The following ZNF519 variants were observed in gnomAD, a reference collection of about 807,000 sequenced individuals.
ZNF519 encodes the protein zinc finger protein 519, also known as similar to Zinc finger protein 85 (Zinc finger protein HPF4) (HTF1).
ZNF519 carries 7 observed loss-of-function variants against 7.4 expected under a neutral mutation model. The ratio of observed to expected loss-of-function variants is 0.94; its 90% CI spans 0.54 to 1.77. The LOEUF (loss-of-function observed/expected upper bound fraction) is 1.77, where lower values mean the gene tolerates loss of function less well. Among genes scored for constraint, ZNF519 ranks in the 40% most tolerant of loss-of-function variants. The pLI is 0.00. For synonymous variants in ZNF519, 179 were observed against 203.3 expected (o/e 0.88, Z 1.02); for missense variants, 586 against 623.1 (o/e 0.94, Z 0.63).
chr18:14,088,544 A>G (rs1444083397), intron 2 of ZNF519, among the ~76,000 whole-genome samples: 3 of 152,240 alleles, frequency 2.0e-5, no homozygotes, highest in Admixed American at 6.5e-5. Flanking sequence ...TCAGGACCAC[A>G]TAAGGTTCAA....
intron 2 of ZNF519, among the ~76,000 whole-genome samples, chr18:14,121,149 A>G (rs1467425974): frequency 6.6e-6 from 1 of 152,122 alleles, no homozygotes; most frequent in Admixed American, 6.5e-5. Flanking sequence ...AGAAGCAGAG[A>G]GTAGAAGGGT....
intron 2 of ZNF519, among the ~76,000 whole-genome samples, chr18:14,111,091 T>C (rs1260278268): frequency 2.4e-5 from 2 of 84,324 alleles, no homozygotes; most frequent in South Asian, 3.3e-4. Flanking sequence ...AGAAAAGAAA[T>C]AATAAAGATC....
downstream of ZNF519, chr18:14,071,387 T>C (rs904249006): frequency 6.6e-6 from 1 of 152,258 alleles, no homozygotes; most frequent in Middle Eastern, 3.4e-3. Flanking sequence ...GACATAGATA[T>C]AGATAAATAT....
chr18:14,130,923 C>G (rs1418054795), intron 1 of ZNF519, among the ~76,000 whole-genome samples: 1 of 151,850 alleles, frequency 6.6e-6, no homozygotes, highest in Non-Finnish European at 1.5e-5. Context: ...TTTCTCTCAC[C>G]CCCAGGGCAT....
chr18:14,089,241 T>C (rs146386805), intron 2 of ZNF519, among the ~76,000 whole-genome samples: 25 of 152,318 alleles, frequency 1.6e-4, no homozygotes, highest in African/African-American at 6.0e-4. Context: ...TAATATTTTT[T>C]GAGTATTTCC....
Position 14,102,626 on chromosome 18 carries a change from G to C in ZNF519, c.*2291C>G, listed in dbSNP as rs1172333649. 1 of 152,182 alleles carries C rather than the reference G, an allele frequency of 6.6e-6. No homozygotes were observed. Among genetic ancestry groups the C allele is most frequent in the South Asian group, 2.1e-4 (1 of 4,816 alleles). 9.4% of individuals were successfully genotyped at this position (152,182 alleles called of 1,614,324 possible). A position where few individuals can be genotyped will look rare whatever the true frequency, so the allele number is the denominator to read the frequency against. On this transcript the variant is annotated 3_prime_UTR_variant, in exon 3 of 3. Coordinates refer to ENST00000590202, the MANE Select transcript of ZNF519 (RefSeq NM_145287.4). Reference sequence around the variant, plus strand: ...TTTAAACTATCAAAGGAAATGGTAAGGATACAAAATGTAGAGTACTTTTTA... The same window carrying C: ...TTTAAACTATCAAAGGAAATGGTAACGATACAAAATGTAGAGTACTTTTTA...
In ZNF519 at chr18:14,101,802, G is replaced by A. The variant is rs1379174511; in HGVS notation, c.*3115C>T. 1 of 398,410 alleles carries A rather than the reference G, an allele frequency of 2.5e-6. No individual in the cohort carries two copies. Among genetic ancestry groups the A allele is most frequent in the Non-Finnish European group, 4.4e-6 (1 of 226,046 alleles). 24.7% of individuals were successfully genotyped at this position (398,410 alleles called of 1,614,324 possible). Reference sequence around the variant, plus strand: ...CAAAGACAAACCAGCAGTTAATCTTGCACGCAACAGAGCCCTGCTTGGCTG... The same window carrying A: ...CAAAGACAAACCAGCAGTTAATCTTACACGCAACAGAGCCCTGCTTGGCTG... On this transcript the variant is annotated 3_prime_UTR_variant, in exon 3 of 3. Coordinates refer to ENST00000590202, the MANE Select transcript of ZNF519 (RefSeq NM_145287.4).
downstream of ZNF519, among the ~76,000 whole-genome samples, chr18:14,097,610 T>C (rs2046142191): frequency 6.6e-6 from 1 of 152,178 alleles, no homozygotes. Flanking sequence ...AGTTGATGCA[T>C]TTGGTTTAGA....
In ZNF519 at chr18:14,105,131, A is replaced by C. The variant is rs1205774018; in HGVS notation, c.1409T>G (p.Ile470Ser). 6.2e-7 allele frequency: 1 copy of C among 1,605,374 alleles called. No individual in the cohort carries two copies. Among genetic ancestry groups the C allele is most frequent in the Non-Finnish European group, 8.5e-7 (1 of 1,177,156 alleles). ...FKCEECGKAF[I>S]WGSHLTQHQR... Reference sequence around the variant, plus strand: ...ATGTTGAGTAAGGTGTGAGCCCCAGATAAAAGCTTTGCCACATTCTTCACA... The same window carrying C: ...ATGTTGAGTAAGGTGTGAGCCCCAGCTAAAAGCTTTGCCACATTCTTCACA... Residue 470 changes from isoleucine to serine, a missense_variant, in exon 3 of 3, where the codon ATC (isoleucine) becomes AGC (serine). Coordinates refer to ENST00000590202, the MANE Select transcript of ZNF519 (RefSeq NM_145287.4).
rs547094543 is a variant in ZNF519, at chr18:14,124,399, A to G, written c.81T>C (p.Asn27=). ...TCTCCAACATCACATCTCTATATAA[A>G]TTCTGTTGGGCAGGGTCTAGGCATT... is the stretch of plus-strand genomic sequence containing the variant. ...EWKCLDPAQQ[N]LYRDVMLENY... Residue 27 remains asparagine (N), a synonymous_variant, in exon 2 of 3, where the codon AAT becomes AAC. Coordinates refer to ENST00000590202, the MANE Select transcript of ZNF519 (RefSeq NM_145287.4). 6.8e-6 allele frequency: 11 copies of G among 1,612,768 alleles called. No individual in the cohort carries two copies. Among genetic ancestry groups the G allele is most frequent in the Non-Finnish European group, 9.3e-6 (11 of 1,179,668 alleles).
At chr18:14,125,671 T>C (rs888320969) in intron 1 of ZNF519, among the ~76,000 whole-genome samples, 1 of 152,056 alleles carries the variant, frequency 6.6e-6, no homozygotes, top group Non-Finnish European at 1.5e-5. Context: ...GGGATGTCTC[T>C]AGAAACACTG....
downstream of ZNF519, among the ~76,000 whole-genome samples, chr18:14,096,138 G>A (rs1176181874): frequency 1.3e-5 from 2 of 152,184 alleles, no homozygotes; most frequent in African/African-American, 4.8e-5. Context: ...TTGCCATGAT[G>A]GGCCCAGCAC....
chr18:14,099,285 C>T (rs188027863), downstream of ZNF519, among the ~76,000 whole-genome samples: 101 of 152,202 alleles, frequency 6.6e-4, no homozygotes, highest in African/African-American at 2.3e-3. Flanking sequence ...TCCTTATTTG[C>T]TTGGTGATGG....
intron 2 of ZNF519, among the ~76,000 whole-genome samples, chr18:14,085,440 TAA>T: frequency 6.6e-6 from 1 of 152,136 alleles, no homozygotes; most frequent in Admixed American, 6.5e-5. Flanking sequence ...AAAAAATCTT[TAA>T]GAGAGGAAGG....
At chr18:14,080,993 A>C (rs2046068897) in intron 3 of ZNF519, among the ~76,000 whole-genome samples, 1 of 152,228 alleles carries the variant, frequency 6.6e-6, no homozygotes, top group African/African-American at 2.4e-5. Flanking sequence ...ACAGTGAAAC[A>C]ATTAGTGGAG....
chr18:14,086,881 G>A (rs2046092552), intron 2 of ZNF519, among the ~76,000 whole-genome samples: 1 of 151,988 alleles, frequency 6.6e-6, no homozygotes, highest in South Asian at 2.1e-4. Flanking sequence ...AAGAATCAAT[G>A]AGCTCAAAGA....
intron 1 of ZNF519, among the ~76,000 whole-genome samples, chr18:14,131,517 G>A (rs1419080016): frequency 6.6e-6 from 1 of 152,148 alleles, no homozygotes; most frequent in Non-Finnish European, 1.5e-5. Flanking sequence ...GAAAATGCAG[G>A]CGAAAACCAG....
Position 14,107,973 on chromosome 18 carries a change from G to A in ZNF519, c.131-1564C>T, listed in dbSNP as rs191541335. Reference sequence around the variant, plus strand: ...TAGCCCCTGGCTCCTGGATGGCACCGATGGGCTTGCCGAGAGCCTGAGGGA... The same window carrying A: ...TAGCCCCTGGCTCCTGGATGGCACCAATGGGCTTGCCGAGAGCCTGAGGGA... On this transcript the variant is annotated intron_variant, in intron 2 of 2. Transcript: ENST00000590202. 2.6e-4 allele frequency among the ~76,000 whole-genome samples: 40 copies of A among 152,258 alleles called. 1 individual carries two copies. The highest frequency in any genetic ancestry group is 9.7e-4 in the East Asian group (5 of 5,174).
rs756251203 is a variant in ZNF519 at position 14,105,717 on chromosome 18, T to TA, written c.822dup (p.Thr275TyrfsTer21). Reference sequence around the variant, plus strand: ...TGATGTCCAAGATGTAAGCCCCTGGTAAAAGCTTTGCCACGTTCTTTATAT... The same window carrying TA: ...TGATGTCCAAGATGTAAGCCCCTGGTAAAAAGCTTTGCCACGTTCTTTATAT... On this transcript the variant is annotated frameshift_variant, in exon 3 of 3. Transcript: ENST00000590202. LOFTEE classifies it low-confidence loss of function (END_TRUNC). 3 of 1,613,976 alleles carry TA rather than the reference T, an allele frequency of 1.9e-6. No homozygotes were observed. The highest frequency in any genetic ancestry group is 3.3e-5 in the Admixed American group (2 of 59,954).
Sources: allele counts gnomAD v4.1 joint callset (sites outside exome capture counted in the v4.1 genomes callset), GRCh38; gene constraint gnomAD v4.1.1; transcripts MANE v1.5; gene names NCBI Gene and HGNC (gene_info 2026-07-23, HGNC 2026-07-21).